Variants in MFHAS1 observed in about 807,000 individuals in gnomAD.
The protein encoded by MFHAS1 is malignant fibrous histiocytoma-amplified sequence 1.
Under a neutral mutation model 70.4 loss-of-function variants are expected in MFHAS1, and 50 were observed. That is an observed-to-expected ratio of 0.71 (90% confidence interval 0.57 to 0.90). The LOEUF (loss-of-function observed/expected upper bound fraction) is 0.90. Among genes scored for constraint, MFHAS1 ranks in the 40% least tolerant of loss-of-function variants. MFHAS1 has a pLI of 0.00. For missense variants in MFHAS1, 1,795 were observed against 1,347.6 expected (o/e 1.33, Z -5.20); for synonymous variants, 952 against 620.0 (o/e 1.54, Z -7.96).
intron 1 of MFHAS1, among the ~76,000 whole-genome samples, chr8:8,873,635 T>C (rs1334276073): frequency 2.6e-5 from 4 of 152,188 alleles, no homozygotes; most frequent in African/African-American, 9.7e-5. Context: ...ACATTTCCTG[T>C]GCAGAACACA....
intron 1 of MFHAS1, among the ~76,000 whole-genome samples, chr8:8,839,438 G>T (rs1414868958): frequency 6.6e-6 from 1 of 152,146 alleles, no homozygotes; most frequent in East Asian, 1.9e-4. Flanking sequence ...TAACCAGATG[G>T]CCCCTTTAAC....
rs2116959869 is a variant in MFHAS1 at position 8,892,972 on chromosome 8, C to T, written c.87G>A (p.Leu29=). 1 of 1,542,274 alleles carries T rather than the reference C, an allele frequency of 6.5e-7. No homozygotes were observed. The highest frequency in any genetic ancestry group is 8.7e-7 in the Non-Finnish European group (1 of 1,146,138). The change falls in exon 1 of 3, where the codon CTG becomes CTA. Residue 29 remains leucine, a synonymous_variant. Transcript: ENST00000276282. The surrounding 1 kb of genome is among the most constrained non-coding windows in gnomAD (Gnocchi z 4.7). ...ALRARKLRSN[L]RQLTLTAAGA... ...CGGCGGCGGTAAGCGTGAGCTGGCGCAGGTTGCTCCGCAGCTTCCTGGCAC... is the reference window on the plus strand; with the variant it reads ...CGGCGGCGGTAAGCGTGAGCTGGCGTAGGTTGCTCCGCAGCTTCCTGGCAC...
chr8:8,822,889 A>C (rs1194121099), intron 1 of MFHAS1, among the ~76,000 whole-genome samples: 1 of 152,100 alleles, frequency 6.6e-6, no homozygotes, highest in Non-Finnish European at 1.5e-5. Flanking sequence ...CAAGTCAGGG[A>C]AACTGAGAAG....
intron 1 of MFHAS1, among the ~76,000 whole-genome samples, chr8:8,865,491 C>T (rs769009060): frequency 6.6e-6 from 1 of 151,994 alleles, no homozygotes; most frequent in Non-Finnish European, 1.5e-5. Context: ...TACCCTAACT[C>T]GATGAAAGCT....
intron 1 of MFHAS1, among the ~76,000 whole-genome samples, chr8:8,831,028 G>A (rs1471127189): frequency 6.6e-6 from 1 of 152,130 alleles, no homozygotes; most frequent in African/African-American, 2.4e-5. Context: ...ACAGTCCAGA[G>A]GCTGGGAGGT....
At chr8:8,817,061 G>T (rs1384027681) in intron 1 of MFHAS1, among the ~76,000 whole-genome samples, 3 of 152,140 alleles carry the variant, frequency 2.0e-5, no homozygotes, top group Non-Finnish European at 4.4e-5. Flanking sequence ...AGACACCAAG[G>T]CTAAGGGTAA....
At chr8:8,853,365 G>A (rs561716816) in intron 1 of MFHAS1, among the ~76,000 whole-genome samples, 172 of 151,616 alleles carry the variant, frequency 1.1e-3, no homozygotes, top group African/African-American at 3.7e-3. Flanking sequence ...CAGAGAAAGC[G>A]GAAGGGAACC....
In MFHAS1 at chr8:8,891,846, C is replaced by A. The variant is rs1471536022; in HGVS notation, c.1213G>T (p.Ala405Ser). The A allele has an allele frequency of 6.2e-7, 1 of 1,612,832 alleles. No individual in the cohort carries two copies. Among genetic ancestry groups the A allele is most frequent in the East Asian group, 2.2e-5 (1 of 44,862 alleles). Reference protein sequence around the residue: ...YQKELAHSQPAVQPRLKLLLM... With the variant: ...YQKELAHSQPSVQPRLKLLLM... ...AGCAGCTTGAGCCGGGGCTGCACCG[C>A]CGGCTGGGAATGAGCCAGTTCCTTC... Residue 405 changes from alanine (A) to serine (S), a missense_variant, in exon 1 of 3, where the codon GCG (alanine) becomes TCG (serine). By Grantham distance (99) the Ala-to-Ser change is moderately conservative. Transcript: ENST00000276282. The surrounding 1 kb of genome is among the most constrained non-coding windows in gnomAD (Gnocchi z 5.4).
chr8:8,891,347 C>A lies in MFHAS1; in HGVS notation c.1712G>T (p.Arg571Leu). The A allele has an allele frequency of 6.2e-7, 1 of 1,611,030 alleles. No homozygotes were observed. The highest frequency in any genetic ancestry group is 2.2e-5 in the East Asian group (1 of 44,878). The change falls in exon 1 of 3, where the codon CGC becomes CTC. Residue 571 changes from arginine to leucine, a missense_variant. Coordinates refer to ENST00000276282, the MANE Select transcript of MFHAS1 (RefSeq NM_004225.3). This position sits in a 1 kb window ranked among gnomAD's most constrained non-coding sequence, Gnocchi z 5.4. ...QEKHDAEGLSRLAKVVDEALA... is the reference protein window; with the variant it reads ...QEKHDAEGLSLLAKVVDEALA... ...TGCCTCGTCCACCACCTTGGCCAAG[C>A]GGCTCAGTCCCTCCGCGTCGTGCTT... is the stretch of plus-strand genomic sequence containing the variant.
intron 1 of MFHAS1, chr8:8,860,011 C>T (rs1358142403): frequency 2.0e-5 from 3 of 152,322 alleles, no homozygotes; most frequent in African/African-American, 7.2e-5. Flanking sequence ...GATTTAGGAT[C>T]TGAAACACAT....
At chr8:8,830,568 G>A (rs1807348665) in intron 1 of MFHAS1, among the ~76,000 whole-genome samples, 1 of 152,266 alleles carries the variant, frequency 6.6e-6, no homozygotes, top group East Asian at 1.9e-4. Flanking sequence ...ATGTACCCAA[G>A]GTCACCAAAG....
intron 2 of MFHAS1, among the ~76,000 whole-genome samples, chr8:8,786,824 G>A (rs1359369988): frequency 6.6e-6 from 1 of 151,736 alleles, no homozygotes; most frequent in African/African-American, 2.4e-5. Context: ...TGATTTCATG[G>A]ACACTGATAA....
At chr8:8,862,789 G>A (rs1808715885) in intron 1 of MFHAS1, among the ~76,000 whole-genome samples, 1 of 152,184 alleles carries the variant, frequency 6.6e-6, no homozygotes, top group African/African-American at 2.4e-5. Flanking sequence ...GGTTGGGGAT[G>A]CTACTAATGG....
intron 1 of MFHAS1, among the ~76,000 whole-genome samples, chr8:8,885,538 T>A (rs1364979359): frequency 6.6e-6 from 1 of 152,178 alleles, no homozygotes; most frequent in Non-Finnish European, 1.5e-5. Flanking sequence ...TTAGAGGTCA[T>A]ACTGGTAGAA....
chr8:8,887,849 G>A lies in MFHAS1; in HGVS notation c.2998+2212C>T, dbSNP rs1446605041. ...AATTAAACATAAAGAGCTGACGTTA[G>A]CAAAAAAAACAAAAAAAAAAAAAAA... On this transcript the variant is annotated intron_variant, in intron 1 of 2. Transcript: ENST00000276282. Among the ~76,000 whole-genome samples the A allele has an allele frequency of 3.2e-4, 32 of 98,904 alleles. No homozygotes were observed. The East Asian group carries it at 0.01, about 32-fold the overall frequency. 64.9% of individuals were successfully genotyped at this position (98,904 alleles called of 152,430 possible).
At chr8:8,809,911 G>T (rs1416128221) in intron 1 of MFHAS1, among the ~76,000 whole-genome samples, 2 of 152,234 alleles carry the variant, frequency 1.3e-5, no homozygotes, top group Non-Finnish European at 2.9e-5. Context: ...CGGCATAAAA[G>T]CATTCAGACG....
At position 8,867,431 on chromosome 8, in the gene MFHAS1, C is replaced by A. The variant is rs572559797; in HGVS notation, c.2998+22630G>T. Among the ~76,000 whole-genome samples, 8 of 152,088 alleles carry A rather than the reference C, an allele frequency of 5.3e-5. No homozygotes were observed. In the East Asian group the frequency reaches 1.5e-3, roughly 29 times the overall value. On this transcript the variant is annotated intron_variant, in intron 1 of 2. Coordinates refer to ENST00000276282, the MANE Select transcript of MFHAS1 (RefSeq NM_004225.3). ...TAGGTACTTGCCTATAGGTGTCGCA[C>A]AGAAAATTTTTTTTATAAAAACAAT... is the stretch of plus-strand genomic sequence containing the variant.
intron 1 of MFHAS1, among the ~76,000 whole-genome samples, chr8:8,818,965 G>A (rs1302572158): frequency 2.6e-5 from 4 of 152,198 alleles, no homozygotes; most frequent in East Asian, 1.9e-4. Flanking sequence ...TTTATTCTAC[G>A]GATATACTAA....
chr8:8,790,019 T>G (rs1805671793), intron 2 of MFHAS1, among the ~76,000 whole-genome samples: 2 of 152,174 alleles, frequency 1.3e-5, no homozygotes, highest in South Asian at 4.1e-4. Context: ...CCTGAAGGTG[T>G]GGACCCACTT....
Sources: gnomAD v4.1 joint callset for allele counts (sites outside exome capture counted in the v4.1 genomes callset) on GRCh38, gnomAD v4.1.1 for gene constraint, Gnocchi (gnomAD v3.1) non-coding constraint, MANE v1.5 for transcripts, NCBI Gene and HGNC (gene_info 2026-07-23, HGNC 2026-07-21) for gene names.